The following PHF24 variants were observed in gnomAD, a reference collection of about 807,000 sequenced individuals.
PHF24 encodes the protein Galpha inhibitory interacting protein.
PHF24 carries 25 observed loss-of-function variants against 42.6 expected under a neutral mutation model. That is an observed-to-expected ratio of 0.59 (90% CI 0.43 to 0.82). PHF24 has a LOEUF of 0.82. PHF24 is among the 40% of genes least tolerant of loss of function. The pLI is 0.00. For synonymous variants in PHF24, 185 were observed against 204.8 expected (o/e 0.90, Z 0.83); for missense variants, 470 against 538.1 (o/e 0.87, Z 1.25).
the PHF24 span, among the ~76,000 whole-genome samples, chr9:34,770,634 A>G: frequency 1.3e-4 from 20 of 152,144 alleles, no homozygotes; most frequent in African/African-American, 4.8e-4. Flanking sequence ...ATTTGCCTAT[A>G]TTTTATACAA....
At chr9:34,921,426 G>A in the PHF24 span, among the ~76,000 whole-genome samples, 1 of 151,210 alleles carries the variant, frequency 6.6e-6, no homozygotes, top group African/African-American at 2.4e-5. Context: ...TTTTACTGCT[G>A]TGCTTGATAT....
At chr9:34,730,583 G>C in the PHF24 span, among the ~76,000 whole-genome samples, 5 of 152,324 alleles carry the variant, frequency 3.3e-5, no homozygotes, top group East Asian at 1.9e-4. Flanking sequence ...CTGCTTTCAA[G>C]ATACTTAAAA....
the PHF24 span, among the ~76,000 whole-genome samples, chr9:34,867,721 C>T: frequency 2.7e-3 from 418 of 152,250 alleles, 15 homozygotes; most frequent in East Asian, 0.065. Flanking sequence ...TTTTTATAGA[C>T]CCTAGTTCTG....
the PHF24 span, among the ~76,000 whole-genome samples, chr9:34,693,557 C>T: frequency 2.0e-5 from 3 of 152,132 alleles, no homozygotes. Flanking sequence ...CAGCAAACTG[C>T]ATTTTCACAT....
chr9:34,936,307 G>A, the PHF24 span, among the ~76,000 whole-genome samples: 4 of 152,364 alleles, frequency 2.6e-5, no homozygotes, highest in South Asian at 6.2e-4. Context: ...CTAACCGCGA[G>A]TGATCCGCCA....
the PHF24 span, among the ~76,000 whole-genome samples, chr9:34,874,833 A>C: frequency 6.6e-6 from 1 of 152,284 alleles, no homozygotes; most frequent in Admixed American, 6.5e-5. Flanking sequence ...TTGTGGGTAC[A>C]TAGTAAGTGT....
the PHF24 span, among the ~76,000 whole-genome samples, chr9:34,794,497 C>G: frequency 6.6e-6 from 1 of 152,140 alleles, no homozygotes; most frequent in South Asian, 2.1e-4. Flanking sequence ...GATAATAATG[C>G]TGAGATAAGA....
At chr9:34,697,345 A>T in the PHF24 span, among the ~76,000 whole-genome samples, 2 of 151,718 alleles carry the variant, frequency 1.3e-5, no homozygotes, top group African/African-American at 2.4e-5. Flanking sequence ...TTTGAGGTGG[A>T]GTCTTGCTCT....
At chr9:34,880,429 A>G in the PHF24 span, among the ~76,000 whole-genome samples, 5 of 152,328 alleles carry the variant, frequency 3.3e-5, no homozygotes, top group Middle Eastern at 3.4e-3. Context: ...ATAAAGAATC[A>G]AGACCCATCA....
the PHF24 span, among the ~76,000 whole-genome samples, chr9:34,818,435 T>C: frequency 6.6e-6 from 1 of 152,232 alleles, no homozygotes; most frequent in Non-Finnish European, 1.5e-5. Context: ...GAGTTGATCA[T>C]ACTGTTTTTT....
the PHF24 span, chr9:34,709,951 G>A: frequency 6.2e-7 from 1 of 1,614,048 alleles, no homozygotes; most frequent in East Asian, 2.2e-5. Flanking sequence ...TCCTATCCAG[G>A]CCTCTTGATC....
the PHF24 span, among the ~76,000 whole-genome samples, chr9:34,790,679 T>C: frequency 6.6e-6 from 1 of 152,114 alleles, no homozygotes; most frequent in East Asian, 1.9e-4. Context: ...CAAATAAACA[T>C]AGTACTATAT....
At chr9:34,922,224 C>T in the PHF24 span, 13 of 1,591,812 alleles carry the variant, frequency 8.2e-6, no homozygotes, top group South Asian at 2.2e-5. Flanking sequence ...TTTGTCTCCT[C>T]GGGTATCCGA....
At chr9:34,964,400 AT>A (rs1826698175) in intron 1 of PHF24, among the ~76,000 whole-genome samples, 1 of 152,214 alleles carries the variant, frequency 6.6e-6, no homozygotes, top group African/African-American at 2.4e-5. Context: ...GAAAACATAA[AT>A]TTTAAGAAGA....
the PHF24 span, among the ~76,000 whole-genome samples, chr9:34,732,766 G>A: frequency 4.6e-5 from 7 of 152,140 alleles, no homozygotes; most frequent in African/African-American, 1.7e-4. Flanking sequence ...AGCATGGGAA[G>A]CATAAATAAA....
the PHF24 span, among the ~76,000 whole-genome samples, chr9:34,891,519 T>C: frequency 6.6e-6 from 1 of 152,176 alleles, no homozygotes; most frequent in Non-Finnish European, 1.5e-5. Context: ...AAGACCCACA[T>C]AGGTCAGGGC....
the PHF24 span, among the ~76,000 whole-genome samples, chr9:34,680,084 A>C: frequency 6.6e-6 from 1 of 152,020 alleles, no homozygotes; most frequent in Non-Finnish European, 1.5e-5. Flanking sequence ...GCAATAGAAA[A>C]CCAATACAAG....
the PHF24 span, among the ~76,000 whole-genome samples, chr9:34,770,095 A>G: frequency 6.6e-6 from 1 of 152,202 alleles, no homozygotes; most frequent in East Asian, 1.9e-4. Flanking sequence ...TGTGTTTTGC[A>G]TAGTATAACA....
At chr9:34,839,008 G>A in the PHF24 span, among the ~76,000 whole-genome samples, 1 of 152,234 alleles carries the variant, frequency 6.6e-6, no homozygotes, top group African/African-American at 2.4e-5. Context: ...GGCAATGGGT[G>A]ATTGGTAACA....
Sources: gnomAD v4.1 joint callset for allele counts (sites outside exome capture counted in the v4.1 genomes callset) on GRCh38, gnomAD v4.1.1 for gene constraint, MANE v1.5 for transcripts, NCBI Gene and HGNC (gene_info 2026-07-23, HGNC 2026-07-21) for gene names.